ASIC2: variants seen among roughly 807,000 people sequenced by gnomAD.
ASIC2 encodes acid-sensing ion channel 2.
In ASIC2, 25 loss-of-function variants were observed where a neutral mutation model predicts 57.3. The observed-to-expected ratio is 0.44, with a 90% CI of 0.32 to 0.61. The LOEUF (loss-of-function observed/expected upper bound fraction) is 0.61, where lower values mean the gene tolerates loss of function less well. Ranked by LOEUF, ASIC2 falls within the 20% of genes least tolerant of loss-of-function variation. The probability of loss-of-function intolerance (pLI) is 0.06; values close to 1 mark genes in which losing one functional copy is unlikely to be tolerated. For missense variants in ASIC2, 641 were observed against 738.1 expected (o/e 0.87, Z 1.52); for synonymous variants, 319 against 307.5 (o/e 1.04, Z -0.39).
intron 2 of ASIC2, among the ~76,000 whole-genome samples, chr17:33,091,455 G>A (rs1415187371): frequency 6.6e-6 from 1 of 152,192 alleles, no homozygotes; most frequent in Non-Finnish European, 1.5e-5. Context: ...GAAGCCGTGT[G>A]TGCCTGCTAT....
chr17:33,495,779 G>C (rs1488928108), intron 1 of ASIC2, among the ~76,000 whole-genome samples: 1 of 152,164 alleles, frequency 6.6e-6, no homozygotes, highest in African/African-American at 2.4e-5. Context: ...AGAAGCATAG[G>C]GAGCCAGGCC....
chr17:33,659,873 A>T (rs1412403929), intron 1 of ASIC2, among the ~76,000 whole-genome samples: 1 of 6,256 alleles, frequency 1.6e-4, no homozygotes, highest in African/African-American at 9.7e-4. Context: ...CTCTGTCTCA[A>T]ATAAATAAAT....
At chr17:34,086,245 T>C (rs1488448024) in intron 1 of ASIC2, among the ~76,000 whole-genome samples, 3 of 151,558 alleles carry the variant, frequency 2.0e-5, no homozygotes, top group Non-Finnish European at 4.4e-5. Flanking sequence ...TGTGTCTTTG[T>C]TCTCGTTGGT....
intron 1 of ASIC2, among the ~76,000 whole-genome samples, chr17:33,893,675 G>T (rs1438257019): frequency 6.6e-6 from 1 of 152,126 alleles, no homozygotes; most frequent in African/African-American, 2.4e-5. Flanking sequence ...GTCCATTCTG[G>T]ATTTGTGGTT....
At chr17:34,076,681 T>C (rs999123444) in intron 1 of ASIC2, among the ~76,000 whole-genome samples, 1 of 152,208 alleles carries the variant, frequency 6.6e-6, no homozygotes, top group Non-Finnish European at 1.5e-5. Context: ...GTGCTTCCAC[T>C]GTCCTGAAAC....
chr17:33,759,324 C>T (rs1338699903), intron 1 of ASIC2, among the ~76,000 whole-genome samples: 1 of 152,146 alleles, frequency 6.6e-6, no homozygotes, highest in African/African-American at 2.4e-5. Context: ...AATTTCTAAA[C>T]AGCAAAATGC....
chr17:34,088,372 G>T (rs140960288), intron 1 of ASIC2, among the ~76,000 whole-genome samples: 14 of 151,928 alleles, frequency 9.2e-5, no homozygotes, highest in Non-Finnish European at 2.1e-4. Flanking sequence ...CGTGAACGGC[G>T]AATGCTGCTG....
At chr17:33,258,396 C>T (rs1253105810) in intron 1 of ASIC2, among the ~76,000 whole-genome samples, 1 of 152,096 alleles carries the variant, frequency 6.6e-6, no homozygotes, top group Non-Finnish European at 1.5e-5. Flanking sequence ...AGCAAAATAA[C>T]ACAGGGTAAG....
intron 1 of ASIC2, among the ~76,000 whole-genome samples, chr17:33,437,839 G>GGATC (rs1214654275): frequency 2.0e-5 from 3 of 152,156 alleles, no homozygotes; most frequent in Non-Finnish European, 2.9e-5. Context: ...TCTGCATGGA[G>GGATC]GATCAAGCTT....
At chr17:33,669,876 A>T (rs975217869) in intron 1 of ASIC2, among the ~76,000 whole-genome samples, 1 of 152,186 alleles carries the variant, frequency 6.6e-6, no homozygotes, top group Non-Finnish European at 1.5e-5. Flanking sequence ...CCATAAGACA[A>T]ACAACCTACA....
At chr17:33,718,034 T>C (rs531412188) in intron 1 of ASIC2, among the ~76,000 whole-genome samples, 1 of 152,168 alleles carries the variant, frequency 6.6e-6, no homozygotes, top group Non-Finnish European at 1.5e-5. Flanking sequence ...TCTACAGCTG[T>C]CCCTCAGCAT....
Position 33,032,440 on chromosome 17 carries a change from G to GTTTTTTT in ASIC2, c.988-4055_988-4049dup, listed in dbSNP as rs60183644. The stretch of plus-strand genomic sequence containing the variant: ...TCTGTTATAAGCACTATAATACACT[G>GTTTTTTT]TTTTTTTTTTTTTTTTTTTTTTTTT... On this transcript the variant is annotated intron_variant, in intron 3 of 9. Transcript: ENST00000225823. 1.1e-3 allele frequency among the ~76,000 whole-genome samples: 106 copies of GTTTTTTT among 94,084 alleles called. 15 individuals are homozygous for GTTTTTTT. The highest frequency in any genetic ancestry group is 7.2e-3 in the Middle Eastern group (1 of 138). 61.7% of individuals were successfully genotyped at this position (94,084 alleles called of 152,430 possible). A position where few individuals can be genotyped will look rare whatever the true frequency, so the allele number is the denominator to read the frequency against.
At chr17:33,152,908 A>G (rs1193800531) in intron 1 of ASIC2, among the ~76,000 whole-genome samples, 1 of 152,202 alleles carries the variant, frequency 6.6e-6, no homozygotes, top group Non-Finnish European at 1.5e-5. Context: ...GCAGAGGAGC[A>G]ATAGAAACCC....
At chr17:33,425,651 G>A (rs1279307351) in intron 1 of ASIC2, among the ~76,000 whole-genome samples, 1 of 152,112 alleles carries the variant, frequency 6.6e-6, no homozygotes, top group Non-Finnish European at 1.5e-5. Context: ...TGGTGGTCAG[G>A]GAAGGTTGAG....
intron 1 of ASIC2, among the ~76,000 whole-genome samples, chr17:33,176,158 C>T (rs999326473): frequency 1.3e-5 from 2 of 152,214 alleles, no homozygotes; most frequent in Admixed American, 6.5e-5. Flanking sequence ...CACTCTCTAA[C>T]CCTTCAGGGC....
chr17:33,623,552 A>C (rs1905879530), intron 1 of ASIC2: 1 of 151,868 alleles, frequency 6.6e-6, no homozygotes, highest in South Asian at 2.1e-4. Context: ...CAGGTGTGGG[A>C]CATCCTGCCT....
chr17:33,579,322 G>A (rs1171706842), intron 1 of ASIC2, among the ~76,000 whole-genome samples: 4 of 149,356 alleles, frequency 2.7e-5, no homozygotes, highest in Admixed American at 2.7e-4. Flanking sequence ...GGGTGACTCA[G>A]ATGTTGGCTC....
rs1597747665 is a variant in ASIC2, at chr17:33,487,898, A to C, written c.556-375831T>G. Among the ~76,000 whole-genome samples the C allele has an allele frequency of 2.0e-5, 3 of 152,284 alleles. No homozygotes were observed. In the South Asian group the frequency reaches 6.2e-4, roughly 32 times the overall value. On this transcript the variant is annotated intron_variant, in intron 1 of 9. Transcript: ENST00000359872. The stretch of plus-strand genomic sequence containing the variant: ...GGGGCTCTTGGGCCTTTGGCAAAAG[A>C]CTGAAGGATGCACTGTTGGCTCCCC...
At chr17:33,204,169 C>A (rs931959682) in intron 1 of ASIC2, among the ~76,000 whole-genome samples, 1 of 152,230 alleles carries the variant, frequency 6.6e-6, no homozygotes, top group African/African-American at 2.4e-5. Flanking sequence ...TGGGGTCTTT[C>A]TCTTAAGTCT....
Sources: gnomAD v4.1 joint callset for allele counts (sites outside exome capture counted in the v4.1 genomes callset) on GRCh38, gnomAD v4.1.1 for gene constraint, MANE v1.5 for transcripts, NCBI Gene and HGNC (gene_info 2026-07-23, HGNC 2026-07-21) for gene names.